Variants in DUX4 observed in about 807,000 individuals in gnomAD.
DUX4 encodes double homeobox protein 4.
downstream of DUX4, among the ~76,000 whole-genome samples, chr4:190,177,975 C>T (rs1742397206): frequency 1.3e-5 from 2 of 150,720 alleles, no homozygotes; most frequent in East Asian, 2.0e-4. Context: ...AGAGTTACAT[C>T]ACCTGGGTGA....
chr4:190,179,144 T>A (rs2126576966), downstream of DUX4, among the ~76,000 whole-genome samples: 49 of 150,694 alleles, frequency 3.3e-4, no homozygotes, highest in East Asian at 7.8e-4. Flanking sequence ...ATGACCTAGG[T>A]GATCAGTGCA....
At chr4:190,177,585 G>GAC (rs1742376299), downstream of DUX4, among the ~76,000 whole-genome samples, 3 of 150,362 alleles carry the variant, frequency 2.0e-5, no homozygotes, top group African/African-American at 4.9e-5. Flanking sequence ...GATCATTGCA[G>GAC]AGTTATGTCA....
chr4:190,184,069 A>G (rs1742638845), intron 1 of DUX4, among the ~76,000 whole-genome samples: 1 of 130,086 alleles, frequency 7.7e-6, no homozygotes, highest in Non-Finnish European at 1.8e-5. Flanking sequence ...AAGGGGCTTC[A>G]TCTTAAAGAA....
chr4:190,183,718 AG>A lies in DUX4; in HGVS notation n.93-1621del, dbSNP rs1421525339. Among the ~76,000 whole-genome samples the A allele has an allele frequency of 1.0e-4, 12 of 114,686 alleles. 3 individuals carry two copies. Among genetic ancestry groups the A allele is most frequent in the Admixed American group, 3.1e-4 (3 of 9,526 alleles). The allele number at this position is 114,686 out of a possible 152,430, so 75.2% of individuals were successfully genotyped here. On this transcript the variant is annotated intron_variant and non_coding_transcript_variant, in intron 1 of 2. Transcript: ENST00000563716. ...ACTCAAGCCATTTGTTCTTATTTTA[AG>A]GAAAATATGCTAATTTTAAACTCCA...
rs1341168546 is a variant in DUX4 at position 190,175,225 on chromosome 4, A to T, written c.*177A>T. On this transcript the variant is annotated 3_prime_UTR_variant, in exon 1 of 2. Coordinates refer to ENST00000565211, the MANE Select transcript of DUX4 (RefSeq NM_001306068.3). ...CCCGGTGAGAGACTCCACTCCGCGG[A>T]GAACTGCCTTTCTTTCCTGGGCATC... 15 of 154,946 alleles carry T rather than the reference A, an allele frequency of 9.7e-5. No homozygotes were observed. Among genetic ancestry groups the T allele is most frequent in the African/African-American group, 2.6e-4 (9 of 35,260 alleles). 9.6% of individuals were successfully genotyped at this position (154,946 alleles called of 1,614,324 possible).
At position 190,183,296 on chromosome 4, in the gene DUX4, A is replaced by G. The variant is rs1476298890; in HGVS notation, n.93-2045A>G. On this transcript the variant is annotated intron_variant and non_coding_transcript_variant, in intron 1 of 2. Coordinates refer to the DUX4 transcript ENST00000563716. Reference sequence around the variant, plus strand: ...TGGTTTCTGTGGACAGTTTCTCCTCATGGAAAGGTAGTGTGTTCCTGCTAA... The same window carrying G: ...TGGTTTCTGTGGACAGTTTCTCCTCGTGGAAAGGTAGTGTGTTCCTGCTAA... 1.8e-5 allele frequency: 2 copies of G among 109,094 alleles called. 1 individual carries two copies. The highest frequency in any genetic ancestry group is 4.3e-5 in the Non-Finnish European group (2 of 46,712). 6.8% of individuals were successfully genotyped at this position (109,094 alleles called of 1,614,324 possible).
At chr4:190,177,185 A>AAAACGCCCCTGTAGGGAGAGCCTAGAT (rs1742348380), downstream of DUX4, among the ~76,000 whole-genome samples, 1 of 147,264 alleles carries the variant, frequency 6.8e-6, no homozygotes, top group Non-Finnish European at 1.5e-5. Flanking sequence ...GAGCTATGTC[A>AAAACGCCCCTGTAGGGAGAGCCTAGAT]AAACGCCCCT....
downstream of DUX4, among the ~76,000 whole-genome samples, chr4:190,179,577 A>T (rs1742504298): frequency 6.6e-6 from 1 of 152,192 alleles, no homozygotes; most frequent in East Asian, 1.9e-4. Flanking sequence ...GATATGTCAC[A>T]ATGCTGTGTA....
chr4:190,183,794 T>C (rs1742633901), intron 1 of DUX4, among the ~76,000 whole-genome samples: 2 of 117,030 alleles, frequency 1.7e-5, no homozygotes, highest in African/African-American at 2.6e-5. Flanking sequence ...ATGTAAGAAA[T>C]GATGCTCACC....
chr4:190,176,194 A>G (rs1201785877), downstream of DUX4, among the ~76,000 whole-genome samples: 1 of 113,260 alleles, frequency 8.8e-6, no homozygotes, highest in Non-Finnish European at 2.1e-5. Flanking sequence ...GACAAGGGTT[A>G]CATCACCTGT....
chr4:190,175,077 T>TCA lies in DUX4; in HGVS notation c.*29_*30insCA, dbSNP rs1375556100. On this transcript the variant is annotated 3_prime_UTR_variant, in exon 1 of 2. Transcript: ENST00000565211. ...GCGGGGTTGGGACGGGGTCGGGTGG[T>TCA]TCGGGGCAGGGCGGTGGCCTCTCTT... 66 of 2,126 alleles carry TCA rather than the reference T, an allele frequency of 0.031. No homozygotes were observed. The highest frequency in any genetic ancestry group is 0.21 in the East Asian group (3 of 14). 0.1% of individuals were successfully genotyped at this position (2,126 alleles called of 1,614,324 possible). A position where few individuals can be genotyped will look rare whatever the true frequency, so the allele number is the denominator to read the frequency against.
chr4:190,179,451 T>TGGTCA (rs1742493616), downstream of DUX4, among the ~76,000 whole-genome samples: 1 of 139,872 alleles, frequency 7.1e-6, no homozygotes, highest in Non-Finnish European at 1.6e-5. Flanking sequence ...AAGCACCCTG[T>TGGTCA]AAGCAGATCC....
At chr4:190,176,152 A>T (rs1190176001), downstream of DUX4, among the ~76,000 whole-genome samples, 14 of 112,464 alleles carry the variant, frequency 1.2e-4, 4 homozygotes, top group Non-Finnish European at 2.7e-4. Flanking sequence ...CAGTGCAGAG[A>T]TATCTCACAA....
At chr4:190,181,243 C>CAATGCCACAAGTAGGTAGAGCCTAGA (rs1742556543) in intron 1 of DUX4, among the ~76,000 whole-genome samples, 1 of 16,054 alleles carries the variant, frequency 6.2e-5, no homozygotes, top group African/African-American at 2.2e-4. Flanking sequence ...AAATCCAAGA[C>CAATGCCACAAGTAGGTAGAGCCTAGA]AAGAGTCTGT....
downstream of DUX4, among the ~76,000 whole-genome samples, chr4:190,178,252 C>A (rs1742413027): frequency 3.8e-3 from 440 of 116,248 alleles, no homozygotes; most frequent in East Asian, 8.2e-3. Context: ...AGTTGCATCA[C>A]CTGGGTGATC....
chr4:190,179,745 A>T (rs1579835900), downstream of DUX4, among the ~76,000 whole-genome samples: 5 of 152,236 alleles, frequency 3.3e-5, no homozygotes, highest in African/African-American at 2.4e-5. Flanking sequence ...GACAAGAGTT[A>T]CATCACCTCG....
At chr4:190,183,282 G>A (rs1742625020) in intron 1 of DUX4, 1 of 108,542 alleles carries the variant, frequency 9.2e-6, no homozygotes, top group African/African-American at 2.6e-5. Flanking sequence ...GGTTTCTGTG[G>A]ACAGTTTCTC....
At chr4:190,177,789 A>C (rs1742386236), downstream of DUX4, among the ~76,000 whole-genome samples, 78 of 145,408 alleles carry the variant, frequency 5.4e-4, no homozygotes, top group South Asian at 6.4e-4. Context: ...ATCAGTGCAG[A>C]GTTATGTCAC....
At chr4:190,181,580 A>T (rs1579837797) in intron 1 of DUX4, among the ~76,000 whole-genome samples, 2 of 102,802 alleles carry the variant, frequency 1.9e-5, no homozygotes, top group Non-Finnish European at 3.8e-5. Flanking sequence ...GGCAGAGCCT[A>T]GTCAAGCGTT....
Sources: gnomAD v4.1 joint callset for allele counts (sites outside exome capture counted in the v4.1 genomes callset) on GRCh38, gnomAD v4.1.1 for gene constraint, MANE v1.5 for transcripts, NCBI Gene and HGNC (gene_info 2026-07-23, HGNC 2026-07-21) for gene names.